HSF4: variants seen among roughly 807,000 people sequenced by gnomAD.
HSF4 encodes the protein heat shock transcription factor 4, also known as heat shock factor protein 4.
A neutral mutation model predicts 52.0 loss-of-function variants in HSF4; 41 were observed. The observed-to-expected ratio is 0.79, with a 90% CI of 0.61 to 1.02. The LOEUF (loss-of-function observed/expected upper bound fraction) is 1.02. Ranked by LOEUF, HSF4 falls within the 50% of genes least tolerant of loss-of-function variation. HSF4 has a pLI of 0.00. For missense variants in HSF4, 610 were observed against 651.1 expected (o/e 0.94, Z 0.69); for synonymous variants, 285 against 273.0 (o/e 1.04, Z -0.43).
At position 67,169,452 on chromosome 16, in the gene HSF4, C is replaced by G; in HGVS notation, c.1324+104C>G. On this transcript the variant is annotated intron_variant, in intron 12 of 12. Transcript: ENST00000521374. This position sits in a 1 kb window ranked among gnomAD's most constrained non-coding sequence, Gnocchi z 4.3. ...GCAATTTGCAGGGAAATCCTGAGTT[C>G]AGGCTGCACTGCAGAGCGTTCCTTG... is the stretch of plus-strand genomic sequence containing the variant. 1 of 1,568,882 alleles carries G rather than the reference C, an allele frequency of 6.4e-7. No individual in the cohort carries two copies.
Position 67,165,855 on chromosome 16 carries a change from G to A in HSF4, c.360+9G>A, listed in dbSNP as rs769001160. On this transcript the variant is annotated intron_variant, in intron 3 of 12. Transcript: ENST00000521374. This position sits in a 1 kb window ranked among gnomAD's most constrained non-coding sequence, Gnocchi z 6.9. ...AGCGCGTGCGGCGCAAGGTGGGGGCGGCCTGCGGGAATGAGCAAAGAGGAG... is the reference window on the plus strand; with the variant it reads ...AGCGCGTGCGGCGCAAGGTGGGGGCAGCCTGCGGGAATGAGCAAAGAGGAG... 2 of 1,601,158 alleles carry A rather than the reference G, an allele frequency of 1.2e-6. No individual in the cohort carries two copies. The highest frequency in any genetic ancestry group is 2.2e-5 in the South Asian group (2 of 90,958).
At chr16:67,163,858 C>A (rs2145915460), upstream of HSF4, 6 of 1,492,326 alleles carry the variant, frequency 4.0e-6, no homozygotes, top group East Asian at 2.4e-5. Flanking sequence ...TGGACGTAAG[C>A]GCTCTGAGAG....
In HSF4 at chr16:67,168,088, C is replaced by G. The variant is rs572835164; in HGVS notation, c.1082+141C>G. ...CAGAGTTCTGTGGAAAGCAGAGCCTCCCAGTCAGGGCACTCAGCATCTGCG... is the reference window on the plus strand; with the variant it reads ...CAGAGTTCTGTGGAAAGCAGAGCCTGCCAGTCAGGGCACTCAGCATCTGCG... On this transcript the variant is annotated intron_variant, in intron 9 of 12. Transcript: ENST00000521374. 4 of 758,948 alleles carry G rather than the reference C, an allele frequency of 5.3e-6. No individual in the cohort carries two copies. The African/African-American group carries it at 6.9e-5, about 13-fold the overall frequency. The allele number at this position is 758,948 out of a possible 1,614,324, so 47.0% of individuals were successfully genotyped here. A position where few individuals can be genotyped will look rare whatever the true frequency, so the allele number is the denominator to read the frequency against.
intron 9 of HSF4, 36 bp from the exon 10 acceptor site, chr16:67,168,795 G>A (rs535490752): frequency 6.6e-7 from 1 of 1,507,220 alleles, no homozygotes; most frequent in South Asian, 1.1e-5. Context: ...AATGCGGGGT[G>A]GACACTGCAG....
chr16:67,166,416 C>T (rs1192305336), intron 5 of HSF4, 21 bp downstream of exon 5: 2 of 1,603,190 alleles, frequency 1.2e-6, no homozygotes, highest in Non-Finnish European at 1.7e-6. Context: ...CCCCAAGCCT[C>T]GCTTCTCCCT....
At chr16:67,163,944 C>A, upstream of HSF4, 1 of 1,419,746 alleles carries the variant, frequency 7.0e-7, no homozygotes, top group Non-Finnish European at 9.5e-7. Flanking sequence ...GGGTCTTTAC[C>A]GAGTTGGGAA....
rs781742797 is a variant in HSF4, at chr16:67,167,523, C to T, written c.778C>T (p.Pro260Ser). 11 of 1,613,810 alleles carry T rather than the reference C, an allele frequency of 6.8e-6. No homozygotes were observed. Among genetic ancestry groups the T allele is most frequent in the Non-Finnish European group, 6.8e-6 (8 of 1,180,018 alleles). ...CCTTAGCCCTCACAGGGCCAGGGGC[C>T]CCATCATCTCTGACATCCCAGAAGA... is the stretch of plus-strand genomic sequence containing the variant. ...LGLSPHRARG[P>S]IISDIPEDSP... The change falls in exon 8 of 13, where the codon CCC (proline) becomes TCC (serine). Residue 260 changes from proline to serine, a missense_variant. Coordinates refer to ENST00000521374, the MANE Select transcript of HSF4 (RefSeq NM_001374675.1).
intron 4 of HSF4, 91 bp downstream of exon 4, chr16:67,166,161 CCT>C: frequency 1.4e-6 from 2 of 1,423,986 alleles, no homozygotes; most frequent in Non-Finnish European, 9.6e-7. Flanking sequence ...GCAGCCCCTT[CCT>C]CTCTCCTGCC....
At chr16:67,163,869 G>A, upstream of HSF4, 4 of 1,372,176 alleles carry the variant, frequency 2.9e-6, no homozygotes, top group Non-Finnish European at 3.7e-6. Context: ...GCTCTGAGAG[G>A]GAACGGGGGG....
At position 67,166,362 on chromosome 16, in the gene HSF4, G is replaced by A; in HGVS notation, c.528G>A (p.Gln176=). The A allele has an allele frequency of 1.2e-6, 2 of 1,609,440 alleles. No homozygotes were observed. Among genetic ancestry groups the A allele is most frequent in the Non-Finnish European group, 1.7e-6 (2 of 1,178,000 alleles). Residue 176 remains glutamine, a synonymous_variant, in exon 5 of 13, where the codon CAG becomes CAA. Transcript: ENST00000521374. ...ILWREVVTLR[Q]SHGQQHRVIG... is the part of the protein sequence containing the mutation. ...GGCGGGAGGTGGTGACACTTCGGCA[G>A]AGCCACGGTCAGCAGCACCGGGTCA...
Position 67,165,867 on chromosome 16 carries a change from T to C in HSF4, c.360+21T>C. On this transcript the variant is annotated intron_variant, in intron 3 of 12. Coordinates refer to ENST00000521374, the MANE Select transcript of HSF4 (RefSeq NM_001374675.1). This position sits in a 1 kb window ranked among gnomAD's most constrained non-coding sequence, Gnocchi z 6.9. ...GCAAGGTGGGGGCGGCCTGCGGGAATGAGCAAAGAGGAGGAGGGGTGCTGG... is the reference window on the plus strand; with the variant it reads ...GCAAGGTGGGGGCGGCCTGCGGGAACGAGCAAAGAGGAGGAGGGGTGCTGG... 1.3e-6 allele frequency: 2 copies of C among 1,599,206 alleles called. No homozygotes were observed. The highest frequency in any genetic ancestry group is 1.7e-6 in the Non-Finnish European group (2 of 1,178,664).
At chr16:67,164,613 C>A, upstream of HSF4, 1 of 408,356 alleles carries the variant, frequency 2.4e-6, no homozygotes, top group Non-Finnish European at 4.8e-6. Context: ...TCCACACATC[C>A]CATCCAGCCA....
chr16:67,166,727 A>C, intron 6 of HSF4, 105 bp downstream of exon 6: 13 of 1,070,766 alleles, frequency 1.2e-5, no homozygotes, highest in African/African-American at 1.6e-5. Context: ...GGGAATCCTC[A>C]TTCCTCCCCC....
At position 67,169,368 on chromosome 16, in the gene HSF4, C is replaced by T; in HGVS notation, c.1324+20C>T. The T allele has an allele frequency of 5.0e-6, 8 of 1,609,222 alleles. No individual in the cohort carries two copies. The highest frequency in any genetic ancestry group is 5.9e-6 in the Non-Finnish European group (7 of 1,177,834). On this transcript the variant is annotated intron_variant, in intron 12 of 12. Coordinates refer to ENST00000521374, the MANE Select transcript of HSF4 (RefSeq NM_001374675.1). This position sits in a 1 kb window ranked among gnomAD's most constrained non-coding sequence, Gnocchi z 4.3. Reference sequence around the variant, plus strand: ...GCCCAGGTAATGGTTGTGATGACTCCTACCTGGGAGGACGCCGTGATTGGG... The same window carrying T: ...GCCCAGGTAATGGTTGTGATGACTCTTACCTGGGAGGACGCCGTGATTGGG...
Position 67,169,785 on chromosome 16 carries a change from A to G in HSF4, c.1479A>G (p.Ter493=), listed in dbSNP as rs2031621267. Residue 493 remains the stop codon, a stop_retained_variant, in exon 13 of 13, where the codon TAA becomes TAG. Transcript: ENST00000521374. The surrounding 1 kb of genome is among the most constrained non-coding windows in gnomAD (Gnocchi z 4.3). ...GCCCGGAAGCCAGTCCCTCCCCCTA[A>G]GACCCCGCGCCTCTGAAGGGGCTTG... ...YLGPEASPSP[*] is the part of the protein sequence containing the mutation. 6.2e-7 allele frequency: 1 copy of G among 1,613,064 alleles called. No individual in the cohort carries two copies. The highest frequency in any genetic ancestry group is 8.5e-7 in the Non-Finnish European group (1 of 1,179,984).
intron 9 of HSF4, 32 bp downstream of exon 9, chr16:67,167,979 T>C (rs374186012): frequency 3.9e-6 from 6 of 1,519,460 alleles, no homozygotes; most frequent in East Asian, 4.7e-5. Context: ...CCATGAGCCC[T>C]GTGATAGAAC....
At chr16:67,166,138 C>T in intron 4 of HSF4, 68 bp downstream of exon 4, 1 of 1,483,326 alleles carries the variant, frequency 6.7e-7, no homozygotes, top group South Asian at 1.2e-5. Context: ...AACTGGCCGG[C>T]CAGCAGTTCT....
rs1456161420 is a variant in HSF4 at position 67,169,277 on chromosome 16, A to G, written c.1255-2A>G. 3.1e-6 allele frequency: 5 copies of G among 1,613,522 alleles called. No homozygotes were observed. In the Admixed American group the frequency reaches 8.3e-5, roughly 27 times the overall value. On this transcript the variant is annotated splice_acceptor_variant, in intron 11 of 12. Transcript: ENST00000521374. LOFTEE classifies it high-confidence loss of function. This position sits in a 1 kb window ranked among gnomAD's most constrained non-coding sequence, Gnocchi z 4.3. ...CAGCTGCTCCCTGCGGTTCTCACGCAGATGCAGCCCTTGGTTCCAGAGCGG... is the reference window on the plus strand; with the variant it reads ...CAGCTGCTCCCTGCGGTTCTCACGCGGATGCAGCCCTTGGTTCCAGAGCGG...
In HSF4 at chr16:67,167,783, G is replaced by A. The variant is rs1309698241; in HGVS notation, c.918G>A (p.Gly306=). ...GTCCAGGGGGGGATGGCGAGGCCGG[G>A]CTGGCCCTGGCCCCAAACGAGTGTG... ...PASPGGDGEA[G]LALAPNECDF... is the part of the protein sequence containing the mutation. The change falls in exon 9 of 13, where the codon GGG becomes GGA. Residue 306 remains glycine, a synonymous_variant. Coordinates refer to ENST00000521374, the MANE Select transcript of HSF4 (RefSeq NM_001374675.1). 3.1e-6 allele frequency: 5 copies of A among 1,599,906 alleles called. No individual in the cohort carries two copies. In the East Asian group the frequency reaches 1.1e-4, roughly 36 times the overall value.
Sources: gnomAD v4.1 joint callset for allele counts on GRCh38, gnomAD v4.1.1 for gene constraint, Gnocchi (gnomAD v3.1) non-coding constraint, MANE v1.5 for transcripts, NCBI Gene and HGNC (gene_info 2026-07-23, HGNC 2026-07-21) for gene names.